The following DEFB119 variants were observed in gnomAD, a reference collection of about 807,000 sequenced individuals.
DEFB119 encodes beta-defensin 119.
DEFB119 carries 3 observed loss-of-function variants against 2.5 expected under a neutral mutation model. The ratio of observed to expected loss-of-function variants is 1.19; its 90% CI spans 0.54 to 3.07. DEFB119 has a LOEUF of 3.07. DEFB119 is among the 30% of genes most tolerant of loss of function. The pLI is 0.03. For missense variants in DEFB119, 113 were observed against 101.1 expected, an observed-to-expected ratio of 1.12 and a Z score of -0.50; for synonymous variants, 29 against 33.7, an observed-to-expected ratio of 0.86 and a Z score of 0.48.
At chr20:31,384,830 A>T (rs1185605222) in intron 1 of DEFB119, among the ~76,000 whole-genome samples, 1 of 152,188 alleles carries the variant, frequency 6.6e-6, no homozygotes, top group Non-Finnish European at 1.5e-5. Context: ...ACTTCATGTG[A>T]GTGGTAAGAA....
At chr20:31,385,880 A>G (rs750081206) in intron 1 of DEFB119, among the ~76,000 whole-genome samples, 3 of 151,990 alleles carry the variant, frequency 2.0e-5, no homozygotes, top group East Asian at 3.9e-4. Flanking sequence ...AAAAAAAAAA[A>G]AGAGAGACAG....
At chr20:31,388,932 G>C in intron 1 of DEFB119, 1 of 1,476,548 alleles carries the variant, frequency 6.8e-7, no homozygotes, top group Admixed American at 2.1e-5. Context: ...CAATCCATTT[G>C]AAGTATCATT....
intron 1 of DEFB119, among the ~76,000 whole-genome samples, chr20:31,384,324 T>A (rs1986611458): frequency 6.6e-6 from 1 of 152,206 alleles, no homozygotes; most frequent in Non-Finnish European, 1.5e-5. Flanking sequence ...AGATAAGTGC[T>A]TGAGGTAATG....
chr20:31,389,074 T>A (rs761285484), intron 1 of DEFB119: 10 of 1,614,244 alleles, frequency 6.2e-6, no homozygotes, highest in Non-Finnish European at 8.5e-6. Context: ...TGTGGACATC[T>A]GAGGAGTGGT....
At chr20:31,382,090 A>C (rs1329442223) in intron 1 of DEFB119, among the ~76,000 whole-genome samples, 1 of 152,232 alleles carries the variant, frequency 6.6e-6, no homozygotes, top group Non-Finnish European at 1.5e-5. Flanking sequence ...GAAATGGCAT[A>C]GAAGTATACA....
chr20:31,379,819 C>T (rs1352909284), intron 1 of DEFB119, among the ~76,000 whole-genome samples: 2 of 152,134 alleles, frequency 1.3e-5, no homozygotes, highest in African/African-American at 2.4e-5. Flanking sequence ...GCACCTGCCA[C>T]CACGCCCAGC....
rs1232796955 is a variant in DEFB119 at position 31,377,496 on chromosome 20, A to C, written c.62-57T>G. 17 of 1,547,104 alleles carry C rather than the reference A, an allele frequency of 1.1e-5. No individual in the cohort carries two copies. In the Admixed American group the frequency reaches 3.1e-4, roughly 29 times the overall value. On this transcript the variant is annotated intron_variant, in intron 1 of 1. Transcript: ENST00000376321. ...TTCACCTAGGAGTGACATAAATCTGATAAGTCGGGAAGCATCATAAAAACC... is the reference window on the plus strand; with the variant it reads ...TTCACCTAGGAGTGACATAAATCTGCTAAGTCGGGAAGCATCATAAAAACC...
At chr20:31,383,964 C>G (rs1986597608) in intron 1 of DEFB119, among the ~76,000 whole-genome samples, 1 of 152,204 alleles carries the variant, frequency 6.6e-6, no homozygotes, top group Non-Finnish European at 1.5e-5. Context: ...GCTTCTCTGC[C>G]TTCTGCCATG....
At position 31,383,844 on chromosome 20, in the gene DEFB119, A is replaced by AAAATAAAT. The variant is rs528889341; in HGVS notation, c.62-6413_62-6406dup. 1.7e-3 allele frequency among the ~76,000 whole-genome samples: 262 copies of AAAATAAAT among 151,734 alleles called. 3 individuals carry two copies. The highest frequency in any genetic ancestry group is 5.9e-3 in the African/African-American group (244 of 41,168). ...GGCGACAGAGCAAGACTCTGTCTCA[A>AAAATAAAT]AAATAAATAAATAAATAAATAAATA... On this transcript the variant is annotated intron_variant, in intron 1 of 1. Transcript: ENST00000376321.
chr20:31,377,940 A>C (rs536904786), intron 1 of DEFB119, among the ~76,000 whole-genome samples: 2 of 152,298 alleles, frequency 1.3e-5, no homozygotes, highest in South Asian at 4.1e-4. Context: ...AGACAAAACT[A>C]CACTCCCACT....
At chr20:31,378,681 C>G (rs1238851936) in intron 1 of DEFB119, among the ~76,000 whole-genome samples, 1 of 152,014 alleles carries the variant, frequency 6.6e-6, no homozygotes, top group African/African-American at 2.4e-5. Flanking sequence ...GTTTCCAGGT[C>G]TATTAGGAGT....
chr20:31,377,958 C>A (rs1252324849), intron 1 of DEFB119, among the ~76,000 whole-genome samples: 1 of 152,242 alleles, frequency 6.6e-6, no homozygotes, highest in Non-Finnish European at 1.5e-5. Flanking sequence ...ACTCATACAT[C>A]CACCAAAGAA....
At chr20:31,381,192 T>C (rs1179241455) in intron 1 of DEFB119, among the ~76,000 whole-genome samples, 1 of 152,252 alleles carries the variant, frequency 6.6e-6, no homozygotes, top group Non-Finnish European at 1.5e-5. Context: ...TGGTATTATA[T>C]TTTTAACTTC....
At chr20:31,390,379 G>T in intron 1 of DEFB119, 44 bp downstream of exon 1, 1 of 1,564,954 alleles carries the variant, frequency 6.4e-7, no homozygotes, top group Non-Finnish European at 8.8e-7. Flanking sequence ...AAGACGGGAA[G>T]CCCATGACCA....
In DEFB119 at chr20:31,390,457, G is replaced by A; in HGVS notation, c.27C>T (p.Ala9=). 6.2e-7 allele frequency: 1 copy of A among 1,613,062 alleles called. No individual in the cohort carries two copies. Among genetic ancestry groups the A allele is most frequent in the Non-Finnish European group, 8.5e-7 (1 of 1,179,654 alleles). MKLLYLFL[A]ILLAIEEPVI... ...CTGGTTCTTCTATGGCCAGAAGGAT[G>A]GCAAGAAACAGGTAAAGAAGTTTCA... Residue 9 remains alanine (A), a synonymous_variant, in exon 1 of 2, where the codon GCC becomes GCT. Transcript: ENST00000376321.
intron 1 of DEFB119, among the ~76,000 whole-genome samples, chr20:31,378,013 G>C (rs1423100024): frequency 2.6e-5 from 4 of 152,222 alleles, no homozygotes; most frequent in Non-Finnish European, 4.4e-5. Context: ...ATGCTGTAAG[G>C]AGGTGTAACC....
chr20:31,389,809 G>C (rs1986857716), intron 1 of DEFB119, among the ~76,000 whole-genome samples: 1 of 151,806 alleles, frequency 6.6e-6, no homozygotes, highest in Non-Finnish European at 1.5e-5. Context: ...CCAACTCCAA[G>C]CCAAACCCTA....
chr20:31,386,117 G>T (rs557419542), intron 1 of DEFB119, among the ~76,000 whole-genome samples: 1 of 150,556 alleles, frequency 6.6e-6, no homozygotes, highest in Non-Finnish European at 1.5e-5. Flanking sequence ...GGGTCACCAC[G>T]TGAGGGCTTT....
intron 1 of DEFB119, among the ~76,000 whole-genome samples, chr20:31,383,613 A>ATCAAGAGG (rs1209633833): frequency 6.6e-6 from 1 of 151,048 alleles, no homozygotes; most frequent in Non-Finnish European, 1.5e-5. Flanking sequence ...AGGCGGGCAG[A>ATCAAGAGG]TCAAGAGGTC....
Sources: gnomAD v4.1 joint callset for allele counts (sites outside exome capture counted in the v4.1 genomes callset) on GRCh38, gnomAD v4.1.1 for gene constraint, MANE v1.5 for transcripts, NCBI Gene and HGNC (gene_info 2026-07-23, HGNC 2026-07-21) for gene names.